KCNMB3: variants seen among roughly 807,000 people sequenced by gnomAD.
KCNMB3 encodes potassium calcium-activated channel subfamily M regulatory beta subunit 3, also known as calcium-activated potassium channel subunit beta-3.
KCNMB3 carries 18 observed loss-of-function variants against 11.9 expected under a neutral mutation model. That is an observed-to-expected ratio of 1.51 (90% confidence interval 1.04 to 2.23). The LOEUF is 2.23. KCNMB3 is among the 30% of genes most tolerant of loss of function. The pLI is 0.00. For synonymous variants in KCNMB3, 78 were observed against 119.2 expected (o/e 0.65, Z 2.25); for missense variants, 247 against 329.4 (o/e 0.75, Z 1.94).
intron 1 of KCNMB3, among the ~76,000 whole-genome samples, chr3:179,257,920 C>T (rs183056220): frequency 6.6e-6 from 1 of 151,932 alleles, no homozygotes; most frequent in Admixed American, 6.6e-5. Flanking sequence ...GAGTTTCGCT[C>T]GTTGTCCAGG....
chr3:179,261,391 C>A, intron 1 of KCNMB3: 2 of 1,087,156 alleles, frequency 1.8e-6, no homozygotes, highest in Non-Finnish European at 2.2e-6. Context: ...AGCCACTCGC[C>A]GCGAAGTGAA....
chr3:179,264,932 C>G (rs6443632), intron 1 of KCNMB3, among the ~76,000 whole-genome samples: 69,186 of 152,070 alleles, frequency 0.45, 17,245 homozygotes, highest in East Asian at 0.85. Flanking sequence ...TATTTTGAAA[C>G]AGCAAATAAG....
At chr3:179,259,901 G>C in intron 1 of KCNMB3, 3 of 1,613,504 alleles carry the variant, frequency 1.9e-6, no homozygotes, top group Non-Finnish European at 1.7e-6. Context: ...CTTCTGTCTT[G>C]ATTGGTTTCT....
At chr3:179,251,382 T>C, upstream of KCNMB3, 1 of 1,430,158 alleles carries the variant, frequency 7.0e-7, no homozygotes, top group Non-Finnish European at 9.1e-7. Flanking sequence ...TTTGACTTAT[T>C]CTTTCATATT....
chr3:179,240,509 A>G (rs1384316904), downstream of KCNMB3: 3 of 153,138 alleles, frequency 2.0e-5, no homozygotes, highest in African/African-American at 7.2e-5. Flanking sequence ...TTTTGCTTTC[A>G]GTTCTCATAA....
chr3:179,256,931 G>A (rs894721309), intron 1 of KCNMB3, among the ~76,000 whole-genome samples: 4 of 152,166 alleles, frequency 2.6e-5, no homozygotes, highest in African/African-American at 4.8e-5. Context: ...GGAAACCAAC[G>A]TGGGAGAATC....
downstream of KCNMB3, chr3:179,241,541 AG>A (rs1426195859): frequency 3.2e-5 from 5 of 153,904 alleles, no homozygotes; most frequent in East Asian, 9.6e-4. Context: ...TACATACAAA[AG>A]TAGCTTCAAA....
chr3:179,244,008 C>T (rs1010045700), intron 2 of KCNMB3, among the ~76,000 whole-genome samples: 9 of 152,250 alleles, frequency 5.9e-5, no homozygotes, highest in Admixed American at 5.2e-4. Flanking sequence ...CACAACTCAA[C>T]TTTTATAGTT....
intron 1 of KCNMB3, among the ~76,000 whole-genome samples, chr3:179,264,017 G>A (rs1726304893): frequency 6.6e-6 from 1 of 151,646 alleles, no homozygotes; most frequent in Non-Finnish European, 1.5e-5. Context: ...TGTTGGCCAG[G>A]CTAGTCTCGA....
chr3:179,247,675 T>C (rs1053120045), intron 1 of KCNMB3, among the ~76,000 whole-genome samples: 5 of 152,110 alleles, frequency 3.3e-5, no homozygotes, highest in African/African-American at 4.8e-5. Flanking sequence ...AGTAAGCTGG[T>C]TGATCAGGAG....
At chr3:179,246,082 TA>T in intron 1 of KCNMB3, among the ~76,000 whole-genome samples, 1 of 152,270 alleles carries the variant, frequency 6.6e-6, no homozygotes, top group South Asian at 2.1e-4. Context: ...TCCTTAAACA[TA>T]ATAAGTTAGA....
chr3:179,244,235 A>G (rs1725559588), intron 2 of KCNMB3, among the ~76,000 whole-genome samples: 2 of 152,242 alleles, frequency 1.3e-5, no homozygotes. Flanking sequence ...AAGACTCCCC[A>G]CAAATGACTA....
rs1576964421 is a variant in KCNMB3, at chr3:179,261,258, C to A, written c.62+5391G>T. 4 of 1,317,934 alleles carry A rather than the reference C, an allele frequency of 3.0e-6. No homozygotes were observed. In the East Asian group the frequency reaches 1.2e-4, roughly 40 times the overall value. 81.6% of individuals were successfully genotyped at this position (1,317,934 alleles called of 1,614,324 possible). A position where few individuals can be genotyped will look rare whatever the true frequency, so the allele number is the denominator to read the frequency against. On this transcript the variant is annotated intron_variant, in intron 1 of 3. Transcript: ENST00000349697. ...CAGTAGATCTCCCGGCTCTGCGTGGCCGCGGGGCTGGTCAACCTGCTGGGC... is the reference window on the plus strand; with the variant it reads ...CAGTAGATCTCCCGGCTCTGCGTGGACGCGGGGCTGGTCAACCTGCTGGGC...
upstream of KCNMB3, among the ~76,000 whole-genome samples, chr3:179,255,751 T>C (rs539457032): frequency 6.6e-6 from 1 of 152,278 alleles, no homozygotes; most frequent in South Asian, 2.1e-4. Context: ...AACCCACACT[T>C]AAACACATCA....
At chr3:179,251,816 G>C (rs111390507), upstream of KCNMB3, among the ~76,000 whole-genome samples, 192 of 151,978 alleles carry the variant, frequency 1.3e-3, no homozygotes, top group Middle Eastern at 6.8e-3. Context: ...CCGCCTCCCA[G>C]GTTCAAGCGA....
upstream of KCNMB3, among the ~76,000 whole-genome samples, chr3:179,253,256 T>C (rs553197147): frequency 5.3e-5 from 8 of 152,332 alleles, no homozygotes; most frequent in South Asian, 1.7e-3. Flanking sequence ...GTCGCTCTTC[T>C]AATGCATCTC....
chr3:179,244,437 AG>A (rs1438818492), intron 2 of KCNMB3, 57 bp downstream of exon 2: 2 of 1,418,948 alleles, frequency 1.4e-6, no homozygotes, highest in African/African-American at 2.8e-5. Context: ...GTACCCTGCT[AG>A]GGACAGTCTG....
chr3:179,241,216 C>G (rs1238536995), downstream of KCNMB3: 1 of 151,984 alleles, frequency 6.6e-6, no homozygotes, highest in East Asian at 1.9e-4. Context: ...GTTTCACCTG[C>G]CCTACTTTGC....
chr3:179,258,939 T>A lies in KCNMB3; in HGVS notation c.62+7710A>T, dbSNP rs529476096. Reference sequence around the variant, plus strand: ...GTGCATCTCTATGAATTTAGAACATTCTACTTACATTGGCAGTGGAGAGAA... The same window carrying A: ...GTGCATCTCTATGAATTTAGAACATACTACTTACATTGGCAGTGGAGAGAA... On this transcript the variant is annotated intron_variant, in intron 1 of 3. Transcript: ENST00000349697. The A allele has an allele frequency of 2.5e-6, 4 of 1,613,682 alleles. No individual in the cohort carries two copies. In the East Asian group the frequency reaches 8.9e-5, roughly 36 times the overall value.
Sources: allele counts gnomAD v4.1 joint callset (sites outside exome capture counted in the v4.1 genomes callset), GRCh38; gene constraint gnomAD v4.1.1; transcripts MANE v1.5; gene names NCBI Gene and HGNC (gene_info 2026-07-23, HGNC 2026-07-21).